The following FAM222B variants were observed in gnomAD, a reference collection of about 807,000 sequenced individuals.
FAM222B encodes family with sequence similarity 222 member B.
In FAM222B, 12 loss-of-function variants were observed where a neutral mutation model predicts 38.0. That is an observed-to-expected ratio of 0.32 (90% CI 0.20 to 0.51). FAM222B has a LOEUF of 0.51. Ranked by LOEUF, FAM222B falls within the 20% of genes least tolerant of loss-of-function variation. FAM222B has a pLI of 0.97. For synonymous variants in FAM222B, 329 were observed against 317.2 expected (o/e 1.04, Z -0.40); for missense variants, 716 against 754.2 (o/e 0.95, Z 0.59).
At chr17:28,794,945 T>G (rs2036867011) in intron 1 of FAM222B, among the ~76,000 whole-genome samples, 1 of 151,766 alleles carries the variant, frequency 6.6e-6, no homozygotes, top group Admixed American at 6.6e-5. Flanking sequence ...ATACAAAAAT[T>G]AGACAGGTGT....
chr17:28,764,417 G>A (rs1210020527), intron 2 of FAM222B, among the ~76,000 whole-genome samples: 4 of 150,358 alleles, frequency 2.7e-5, no homozygotes, highest in African/African-American at 7.4e-5. Flanking sequence ...ACTCCAGCCT[G>A]GGTGACAAGA....
intron 1 of FAM222B, among the ~76,000 whole-genome samples, chr17:28,792,586 C>T (rs934758019): frequency 2.0e-5 from 3 of 151,698 alleles, no homozygotes; most frequent in Non-Finnish European, 4.4e-5. Flanking sequence ...TTCAATACCA[C>T]CCTGGGCAAC....
intron 1 of FAM222B, among the ~76,000 whole-genome samples, chr17:28,786,128 G>A (rs895853359): frequency 3.3e-5 from 5 of 152,084 alleles, no homozygotes; most frequent in South Asian, 2.1e-4. Flanking sequence ...CACCACACCC[G>A]GCCATAGGTT....
In FAM222B at chr17:28,757,334, T is replaced by C. The variant is rs1484968242; in HGVS notation, c.*936A>G. 1 of 152,346 alleles carries C rather than the reference T, an allele frequency of 6.6e-6. No individual in the cohort carries two copies. Among genetic ancestry groups the C allele is most frequent in the Non-Finnish European group, 1.5e-5 (1 of 68,022 alleles). 9.4% of individuals were successfully genotyped at this position (152,346 alleles called of 1,614,324 possible). Reference sequence around the variant, plus strand: ...GAAACGTAACGTTTAAAACTTACAGTGTAGAGCAATATTCTTAGCCAGTGT... The same window carrying C: ...GAAACGTAACGTTTAAAACTTACAGCGTAGAGCAATATTCTTAGCCAGTGT... On this transcript the variant is annotated 3_prime_UTR_variant, in exon 3 of 3. Transcript: ENST00000581407.
At chr17:28,832,773 T>C (rs2038710102) in intron 1 of FAM222B, among the ~76,000 whole-genome samples, 1 of 152,106 alleles carries the variant, frequency 6.6e-6, no homozygotes, top group African/African-American at 2.4e-5. Context: ...AATGACCAAT[T>C]GCTTTGAATA....
In FAM222B at chr17:28,815,945, CAACA is replaced by C. The variant is rs749094878; in HGVS notation, c.-41+26733_-41+26736del. Among the ~76,000 whole-genome samples, 128 of 136,022 alleles carry C rather than the reference CAACA, an allele frequency of 9.4e-4. No homozygotes were observed. The Middle Eastern group carries it at 0.014, about 14-fold the overall frequency. 89.2% of individuals were successfully genotyped at this position (136,022 alleles called of 152,430 possible). The stretch of plus-strand genomic sequence containing the variant: ...TCGTGCCACTGCACTCCAGCCTGGG[CAACA>C]GAGCGAGACTCCGTCTCAAAAAAAA... On this transcript the variant is annotated intron_variant, in intron 1 of 2. Transcript: ENST00000581407.
chr17:28,783,387 G>C (rs146859605), intron 1 of FAM222B, among the ~76,000 whole-genome samples: 3 of 152,226 alleles, frequency 2.0e-5, no homozygotes, highest in African/African-American at 7.2e-5. Context: ...GCACTACACA[G>C]AAGTGGGTAA....
chr17:28,773,479 C>CAAAAAAAAAA (rs66716142), intron 1 of FAM222B, among the ~76,000 whole-genome samples: 1 of 60,758 alleles, frequency 1.6e-5, no homozygotes, highest in African/African-American at 7.2e-5. Context: ...AACTCTGTCT[C>CAAAAAAAAAA]AAAAAAAAAA....
At chr17:28,761,056 G>A (rs970899133) in intron 2 of FAM222B, among the ~76,000 whole-genome samples, 1 of 152,192 alleles carries the variant, frequency 6.6e-6, no homozygotes, top group Non-Finnish European at 1.5e-5. Flanking sequence ...TCTGTATTTG[G>A]TCCATGTCAG....
intron 1 of FAM222B, among the ~76,000 whole-genome samples, chr17:28,805,429 G>A (rs1190376182): frequency 1.3e-5 from 2 of 152,112 alleles, no homozygotes; most frequent in Non-Finnish European, 2.9e-5. Context: ...CAGCTATTCA[G>A]GAGGCTGAGG....
chr17:28,763,110 T>C (rs897579810), intron 2 of FAM222B, among the ~76,000 whole-genome samples: 8 of 152,246 alleles, frequency 5.3e-5, no homozygotes, highest in Middle Eastern at 3.4e-3. Context: ...AATAGAGACA[T>C]AGACAATGTA....
At chr17:28,836,083 G>A (rs983727524) in intron 1 of FAM222B, among the ~76,000 whole-genome samples, 14 of 151,670 alleles carry the variant, frequency 9.2e-5, no homozygotes, top group African/African-American at 7.3e-5. Context: ...TCCGCCTCCC[G>A]TGTTCAAACA....
At chr17:28,791,810 T>A (rs970863549) in intron 1 of FAM222B, among the ~76,000 whole-genome samples, 3 of 151,192 alleles carry the variant, frequency 2.0e-5, no homozygotes, top group African/African-American at 7.3e-5. Context: ...CAGGCACGTG[T>A]CACCACGCCC....
chr17:28,760,828 T>C (rs2035037738), intron 2 of FAM222B, among the ~76,000 whole-genome samples: 1 of 152,158 alleles, frequency 6.6e-6, no homozygotes, highest in African/African-American at 2.4e-5. Context: ...ATGCTTCCTT[T>C]CAGGAGCAGA....
At chr17:28,765,717 A>G (rs895785298) in intron 2 of FAM222B, among the ~76,000 whole-genome samples, 11 of 152,208 alleles carry the variant, frequency 7.2e-5, no homozygotes, top group African/African-American at 2.2e-4. Flanking sequence ...TAAAACCCCA[A>G]TTCCAGAAAG....
chr17:28,759,567 G>C lies in FAM222B; in HGVS notation c.392C>G (p.Pro131Arg). The change falls in exon 3 of 3, where the codon CCC becomes CGC. Residue 131 changes from proline to arginine, a missense_variant. Coordinates refer to ENST00000581407, the MANE Select transcript of FAM222B (RefSeq NM_001077498.3). This position sits in a 1 kb window ranked among gnomAD's most constrained non-coding sequence, Gnocchi z 4.8. Reference sequence around the variant, plus strand: ...CACAGTAGCATAGGGTGCCACTGGGGGGTTCATGATGGCCTCAGGGAGCAA... The same window carrying C: ...CACAGTAGCATAGGGTGCCACTGGGCGGTTCATGATGGCCTCAGGGAGCAA... Reference protein sequence around the residue: ...ARLLPEAIMNPPVAPYATVAP... With the variant: ...ARLLPEAIMNRPVAPYATVAP... The C allele has an allele frequency of 6.2e-7, 1 of 1,610,788 alleles. No individual in the cohort carries two copies. The highest frequency in any genetic ancestry group is 8.5e-7 in the Non-Finnish European group (1 of 1,178,316).
chr17:28,763,415 AG>A (rs2035179064), intron 2 of FAM222B, among the ~76,000 whole-genome samples: 1 of 152,282 alleles, frequency 6.6e-6, no homozygotes, highest in South Asian at 2.1e-4. Context: ...CCCCAACTGC[AG>A]GACAACCTGG....
At chr17:28,838,276 C>G (rs2038918038) in intron 1 of FAM222B, among the ~76,000 whole-genome samples, 1 of 151,282 alleles carries the variant, frequency 6.6e-6, no homozygotes, top group East Asian at 2.0e-4. Context: ...GAGTGAGACC[C>G]TGTCTCAAAA....
Position 28,852,280 on chromosome 17 carries a change from T to C in FAM222B, c.-41+2670A>G, listed in dbSNP as rs1032360861. 1.1e-4 allele frequency among the ~76,000 whole-genome samples: 16 copies of C among 151,596 alleles called. 1 individual carries two copies. The highest frequency in any genetic ancestry group is 1.6e-4 in the Non-Finnish European group (11 of 67,892). On this transcript the variant is annotated intron_variant, in intron 1 of 2. Coordinates refer to the FAM222B transcript ENST00000577513. Reference sequence around the variant, plus strand: ...TACTCGGGAGGCTGAGGCAGGAGAATGGCCTGAACCCGGGAGGCAGAGCCA... The same window carrying C: ...TACTCGGGAGGCTGAGGCAGGAGAACGGCCTGAACCCGGGAGGCAGAGCCA...
Sources: gnomAD v4.1 joint callset for allele counts (sites outside exome capture counted in the v4.1 genomes callset) on GRCh38, gnomAD v4.1.1 for gene constraint, Gnocchi (gnomAD v3.1) non-coding constraint, MANE v1.5 for transcripts, NCBI Gene and HGNC (gene_info 2026-07-23, HGNC 2026-07-21) for gene names.